The following SMYD3 variants were observed in gnomAD, a reference collection of about 807,000 sequenced individuals.
SMYD3 encodes histone-lysine N-methyltransferase SMYD3.
In SMYD3, 36 loss-of-function variants were observed where a neutral mutation model predicts 57.7. The observed-to-expected ratio is 0.62, with a 90% CI of 0.48 to 0.82. SMYD3 has a LOEUF of 0.82. Ranked by LOEUF, SMYD3 falls within the 40% of genes least tolerant of loss-of-function variation. The probability of loss-of-function intolerance (pLI) is 0.00; values close to 1 mark genes in which losing one functional copy is unlikely to be tolerated. For missense variants in SMYD3, 515 were observed against 538.8 expected (o/e 0.96, Z 0.44); for synonymous variants, 211 against 195.0 (o/e 1.08, Z -0.68).
intron 1 of SMYD3, among the ~76,000 whole-genome samples, chr1:246,361,726 A>G (rs1372444977): frequency 6.6e-6 from 1 of 152,164 alleles, no homozygotes; most frequent in Admixed American, 6.5e-5. Flanking sequence ...GTTCTCACTC[A>G]TATGTGGGAG....
At chr1:246,411,958 T>C (rs995563290) in intron 1 of SMYD3, among the ~76,000 whole-genome samples, 4 of 131,966 alleles carry the variant, frequency 3.0e-5, no homozygotes, top group Non-Finnish European at 4.8e-5. Context: ...ACACGTACCC[T>C]AAAACTTAAA....
At chr1:246,110,371 G>A (rs12040935) in intron 5 of SMYD3, among the ~76,000 whole-genome samples, 103,372 of 152,084 alleles carry the variant, frequency 0.68, 36,682 homozygotes, top group Admixed American at 0.82. Context: ...TGCTGAGGCC[G>A]GAAGGGAGTG....
intron 5 of SMYD3, among the ~76,000 whole-genome samples, chr1:246,201,119 GGTGATACCAAC>G (rs1404869213): frequency 1.3e-5 from 2 of 152,100 alleles, no homozygotes; most frequent in Non-Finnish European, 2.9e-5. Context: ...GACAGAAAAT[GGTGATACCAAC>G]GTGACAAGTA....
rs78201314 is a variant in SMYD3 at position 246,269,853 on chromosome 1, G to A, written c.531+57348C>T. On this transcript the variant is annotated intron_variant, in intron 5 of 11. Transcript: ENST00000490107. ...CTCCCAAAGTGCTGGGATTCCGGGC[G>A]TGTACCACCACACCCAGCGGTCAAG... is the stretch of plus-strand genomic sequence containing the variant. 5.7e-4 allele frequency among the ~76,000 whole-genome samples: 87 copies of A among 152,234 alleles called. No homozygotes were observed. The East Asian group carries it at 0.014, about 25-fold the overall frequency.
At chr1:245,996,574 A>T (rs552895374) in intron 5 of SMYD3, among the ~76,000 whole-genome samples, 6 of 152,358 alleles carry the variant, frequency 3.9e-5, no homozygotes, top group African/African-American at 1.2e-4. Context: ...ACTACTAGGC[A>T]CAGAGTAAAA....
chr1:246,447,486 A>C lies in SMYD3; in HGVS notation c.164+59568T>G, dbSNP rs550634877. Among the ~76,000 whole-genome samples the C allele has an allele frequency of 1.8e-4, 27 of 152,292 alleles. No individual in the cohort carries two copies. The South Asian group carries it at 5.2e-3, about 29-fold the overall frequency. Reference sequence around the variant, plus strand: ...TTTGACATTTGAAAACAAAATTTCCAGAAGTTTCTCTCACAAATACACGAG... The same window carrying C: ...TTTGACATTTGAAAACAAAATTTCCCGAAGTTTCTCTCACAAATACACGAG... On this transcript the variant is annotated intron_variant, in intron 1 of 11. Coordinates refer to ENST00000490107, the MANE Select transcript of SMYD3 (RefSeq NM_001167740.2).
chr1:246,181,951 C>T (rs1010628840), intron 5 of SMYD3, among the ~76,000 whole-genome samples: 6 of 152,106 alleles, frequency 3.9e-5, no homozygotes, highest in African/African-American at 1.4e-4. Flanking sequence ...AGATAATTAC[C>T]TTTGCTTATT....
At chr1:246,129,253 A>G (rs2061553105) in intron 5 of SMYD3, among the ~76,000 whole-genome samples, 1 of 152,214 alleles carries the variant, frequency 6.6e-6, no homozygotes, top group African/African-American at 2.4e-5. Flanking sequence ...CTTTAAAAAT[A>G]ATGTCTTAAT....
intron 5 of SMYD3, among the ~76,000 whole-genome samples, chr1:246,297,662 A>AT (rs2064820638): frequency 6.6e-6 from 1 of 152,094 alleles, no homozygotes; most frequent in Non-Finnish European, 1.5e-5. Context: ...TGACTAGAAT[A>AT]TTTTTCTGAT....
At chr1:246,236,636 G>C (rs992300641) in intron 5 of SMYD3, among the ~76,000 whole-genome samples, 1 of 151,838 alleles carries the variant, frequency 6.6e-6, no homozygotes, top group Non-Finnish European at 1.5e-5. Flanking sequence ...GGATGGTCTC[G>C]ATCTCCTGAC....
At chr1:245,901,196 A>C (rs1333209572) in intron 8 of SMYD3, among the ~76,000 whole-genome samples, 1 of 152,132 alleles carries the variant, frequency 6.6e-6, no homozygotes, top group Non-Finnish European at 1.5e-5. Context: ...TGGGTGTCAG[A>C]CTTGGTTTTG....
chr1:245,825,280 C>A (rs2049418544), intron 10 of SMYD3, among the ~76,000 whole-genome samples: 1 of 152,196 alleles, frequency 6.6e-6, no homozygotes, highest in Admixed American at 6.5e-5. Flanking sequence ...TGGAAACCCA[C>A]AACGGCTCCC....
intron 5 of SMYD3, among the ~76,000 whole-genome samples, chr1:246,232,963 C>T (rs2063440251): frequency 7.3e-6 from 1 of 136,882 alleles, no homozygotes; most frequent in Non-Finnish European, 1.6e-5. Context: ...CTCCTCAATT[C>T]ACACTGTGAT....
At chr1:245,838,744 G>C (rs1436467941) in intron 10 of SMYD3, among the ~76,000 whole-genome samples, 2 of 152,134 alleles carry the variant, frequency 1.3e-5, no homozygotes, top group African/African-American at 4.8e-5. Flanking sequence ...TAAGAGGTAC[G>C]TATATAAATG....
At chr1:245,972,643 G>A (rs377096084) in intron 5 of SMYD3, among the ~76,000 whole-genome samples, 3 of 152,194 alleles carry the variant, frequency 2.0e-5, no homozygotes, top group Non-Finnish European at 2.9e-5. Context: ...GCACAGCTAC[G>A]TGACTAAGTT....
Position 246,407,188 on chromosome 1 carries a change from C to T in SMYD3, c.165-52094G>A, listed in dbSNP as rs556803660. Reference sequence around the variant, plus strand: ...ATCACATACAATTTTCAAATGTCCACTTTAGACAATTTAGGTCTAGATTGT... The same window carrying T: ...ATCACATACAATTTTCAAATGTCCATTTTAGACAATTTAGGTCTAGATTGT... On this transcript the variant is annotated intron_variant, in intron 1 of 11. Coordinates refer to ENST00000490107, the MANE Select transcript of SMYD3 (RefSeq NM_001167740.2). Among the ~76,000 whole-genome samples the T allele has an allele frequency of 9.0e-4, 137 of 152,326 alleles. 3 individuals are homozygous for T. In the South Asian group the frequency reaches 9.3e-3, roughly 10 times the overall value.
intron 5 of SMYD3, among the ~76,000 whole-genome samples, chr1:246,147,272 A>C (rs1054915161): frequency 1.4e-4 from 22 of 152,082 alleles, no homozygotes; most frequent in Admixed American, 6.6e-5. Context: ...AGCAGCTTCG[A>C]TATTTATTGC....
At chr1:246,307,030 T>C (rs925288860) in intron 5 of SMYD3, among the ~76,000 whole-genome samples, 1 of 152,128 alleles carries the variant, frequency 6.6e-6, no homozygotes, top group African/African-American at 2.4e-5. Context: ...CAGAGCAATA[T>C]ATTCTGAGAA....
chr1:245,788,019 A>T (rs1250501162), intron 10 of SMYD3, among the ~76,000 whole-genome samples: 1 of 152,224 alleles, frequency 6.6e-6, no homozygotes, highest in East Asian at 1.9e-4. Context: ...TGACCAGATT[A>T]GCACAGGGAA....
Sources: gnomAD v4.1 joint callset for allele counts (sites outside exome capture counted in the v4.1 genomes callset) on GRCh38, gnomAD v4.1.1 for gene constraint, MANE v1.5 for transcripts, NCBI Gene and HGNC (gene_info 2026-07-23, HGNC 2026-07-21) for gene names.